Variants in MTOR observed in about 807,000 individuals in gnomAD.
The protein encoded by MTOR is mechanistic target of rapamycin kinase, also known as serine/threonine-protein kinase mTOR.
A neutral mutation model predicts 319.8 loss-of-function variants in MTOR; 70 were observed. The observed-to-expected ratio is 0.22, with a 90% confidence interval of 0.18 to 0.27. The LOEUF is 0.27. Among genes scored for constraint, MTOR ranks in the 10% least tolerant of loss-of-function variants. The pLI is 1.00. For missense variants in MTOR, 1,890 were observed against 3,274.4 expected, an observed-to-expected ratio of 0.58 and a Z score of 10.32; for synonymous variants, 1,183 against 1,211.4, an observed-to-expected ratio of 0.98 and a Z score of 0.49.
chr1:11,193,990 C>A (rs1288881254), intron 28 of MTOR, among the ~76,000 whole-genome samples: 4 of 152,192 alleles, frequency 2.6e-5, no homozygotes, highest in African/African-American at 9.6e-5. Flanking sequence ...GCAGGTGGGA[C>A]AGGAAGAGGC....
At position 11,177,312 on chromosome 1, in the gene MTOR, C is replaced by T. The variant is rs552500128; in HGVS notation, c.4254-9795G>A. Among the ~76,000 whole-genome samples the T allele has an allele frequency of 4.6e-5, 7 of 152,208 alleles. No individual in the cohort carries two copies. The South Asian group carries it at 1.0e-3, about 23-fold the overall frequency. Reference sequence around the variant, plus strand: ...GTGGCTCATGCCTGTAATCCCACCACCTTGGGAGGCCGAGACAGGATGACT... The same window carrying T: ...GTGGCTCATGCCTGTAATCCCACCATCTTGGGAGGCCGAGACAGGATGACT... On this transcript the variant is annotated intron_variant, in intron 28 of 57. Transcript: ENST00000361445.
At chr1:11,190,287 T>G (rs1397889748) in intron 28 of MTOR, among the ~76,000 whole-genome samples, 2 of 152,184 alleles carry the variant, frequency 1.3e-5, no homozygotes, top group Non-Finnish European at 2.9e-5. Flanking sequence ...CACCAAGAGC[T>G]GACAGGCTAT....
chr1:11,209,427 G>A lies in MTOR; in HGVS notation c.3686C>T (p.Pro1229Leu). Residue 1229 changes from proline to leucine, a missense_variant, in exon 25 of 58, where the codon CCT becomes CTT. Coordinates refer to ENST00000361445, the MANE Select transcript of MTOR (RefSeq NM_004958.4). Reference sequence around the variant, plus strand: ...AAGCATCCGATGCTGGTAAATCAAAGGATCCTCCTCTTCATCAGCAAGTGT... The same window carrying A: ...AAGCATCCGATGCTGGTAAATCAAAAGATCCTCCTCTTCATCAGCAAGTGT... ...GYTLADEEED[P>L]LIYQHRMLRS... 6.2e-7 allele frequency: 1 copy of A among 1,614,082 alleles called. No homozygotes were observed. The highest frequency in any genetic ancestry group is 8.5e-7 in the Non-Finnish European group (1 of 1,180,024).
chr1:11,115,380 T>C lies in MTOR; in HGVS notation c.7089+16A>G, dbSNP rs201113547. The C allele has an allele frequency of 2.9e-4, 468 of 1,613,384 alleles. 2 individuals carry two copies. The highest frequency in any genetic ancestry group is 3.4e-4 in the Non-Finnish European group (406 of 1,179,428). On this transcript the variant is annotated intron_variant, in intron 51 of 57. Transcript: ENST00000361445. This position sits in a 1 kb window ranked among gnomAD's most constrained non-coding sequence, Gnocchi z 4.5. ...ACCCGGGAAGATGAGGTTGGGGTTC[T>C]AGAACATGTGTTCACCTCAAAGCAG...
At chr1:11,231,709 A>G (rs530532571) in intron 16 of MTOR, among the ~76,000 whole-genome samples, 1 of 152,340 alleles carries the variant, frequency 6.6e-6, no homozygotes, top group South Asian at 2.1e-4. Context: ...CCAAATGATT[A>G]ACAGGAGATT....
chr1:11,255,634 T>C (rs1650292275), intron 5 of MTOR, among the ~76,000 whole-genome samples: 1 of 151,976 alleles, frequency 6.6e-6, no homozygotes, highest in Non-Finnish European at 1.5e-5. Flanking sequence ...GTGGATCACC[T>C]GAGGTCAGGA....
chr1:11,229,711 C>T (rs572467027), intron 18 of MTOR, among the ~76,000 whole-genome samples: 2 of 152,266 alleles, frequency 1.3e-5, no homozygotes, highest in South Asian at 4.1e-4. Context: ...CTTTCAATGT[C>T]AGAAATAGGC....
At chr1:11,170,640 C>T (rs1475039395) in intron 28 of MTOR, among the ~76,000 whole-genome samples, 4 of 150,770 alleles carry the variant, frequency 2.7e-5, no homozygotes, top group African/African-American at 9.8e-5. Context: ...ACAATGGATT[C>T]TTGGGATGAA....
At chr1:11,152,815 T>TAAA (rs1167951645) in intron 30 of MTOR, among the ~76,000 whole-genome samples, 1 of 152,230 alleles carries the variant, frequency 6.6e-6, no homozygotes, top group Non-Finnish European at 1.5e-5. Flanking sequence ...ATTGACTGAA[T>TAAA]AAACCGTATC....
At position 11,106,927 on chromosome 1, in the gene MTOR, A is replaced by C. The variant is rs1235916609; in HGVS notation, c.*558T>G. 1 of 1,369,942 alleles carries C rather than the reference A, an allele frequency of 7.3e-7. No individual in the cohort carries two copies. Among genetic ancestry groups the C allele is most frequent in the East Asian group, 3.4e-5 (1 of 29,434 alleles). 84.9% of individuals were successfully genotyped at this position (1,369,942 alleles called of 1,614,324 possible). ...AGCATCACTGGGTCTGATGGAAGAC[A>C]GACCTTTTGTACTCATTTTGGCCTA... On this transcript the variant is annotated 3_prime_UTR_variant, in exon 58 of 58. Coordinates refer to ENST00000361445, the MANE Select transcript of MTOR (RefSeq NM_004958.4).
rs1057519780 is a variant in MTOR at position 11,127,800 on chromosome 1, C to G, written c.6040G>C (p.Glu2014Gln). 1 of 1,611,944 alleles carries G rather than the reference C, an allele frequency of 6.2e-7. No individual in the cohort carries two copies. Among genetic ancestry groups the G allele is most frequent in the Non-Finnish European group, 8.5e-7 (1 of 1,178,922 alleles). Residue 2014 changes from glutamate to glutamine, a missense_variant, in exon 44 of 58, where the codon GAG becomes CAG. By Grantham distance (29) the Glu-to-Gln change is conservative. Coordinates refer to ENST00000361445, the MANE Select transcript of MTOR (RefSeq NM_004958.4). The surrounding 1 kb of genome is among the most constrained non-coding windows in gnomAD (Gnocchi z 5.5). Reference protein sequence around the residue: ...TLVQQAMMVSEELIRVAILWH... With the variant: ...TLVQQAMMVSQELIRVAILWH... ...AGGATGGCCACTCGGATCAGCTCCT[C>G]GCTCACCTGAAGCCAAGAGAAGAAG...
intron 16 of MTOR, among the ~76,000 whole-genome samples, chr1:11,232,217 G>C (rs1362476453): frequency 6.6e-6 from 1 of 152,184 alleles, no homozygotes; most frequent in Non-Finnish European, 1.5e-5. Flanking sequence ...GCACTAGTCA[G>C]CCCCGATAAT....
Position 11,129,656 on chromosome 1 carries a change from G to A in MTOR, c.5714+82C>T. The A allele has an allele frequency of 1.6e-6, 2 of 1,262,764 alleles. No homozygotes were observed. Among genetic ancestry groups the A allele is most frequent in the East Asian group, 2.4e-5 (1 of 41,388 alleles). 78.2% of individuals were successfully genotyped at this position (1,262,764 alleles called of 1,614,324 possible). ...GGGTGTCCTGATCAGGGTCAGGAAG[G>A]GAAAGAGGACTTTTACGTGTGACTT... On this transcript the variant is annotated intron_variant, in intron 40 of 57. Transcript: ENST00000361445. The surrounding 1 kb of genome is among the most constrained non-coding windows in gnomAD (Gnocchi z 4.7).
chr1:11,109,196 A>G lies in MTOR; in HGVS notation c.7528+94T>C. On this transcript the variant is annotated intron_variant, in intron 56 of 57. Coordinates refer to ENST00000361445, the MANE Select transcript of MTOR (RefSeq NM_004958.4). The surrounding 1 kb of genome is among the most constrained non-coding windows in gnomAD (Gnocchi z 4.0). The stretch of plus-strand genomic sequence containing the variant: ...CAGCTGCATGGTGCCAAAGCTCGTC[A>G]CTAACACCACTGGACATGGGGCTGA... 9.0e-7 allele frequency: 1 copy of G among 1,113,442 alleles called. No individual in the cohort carries two copies. The highest frequency in any genetic ancestry group is 1.3e-6 in the Non-Finnish European group (1 of 756,884). 69.0% of individuals were successfully genotyped at this position (1,113,442 alleles called of 1,614,324 possible). A position where few individuals can be genotyped will look rare whatever the true frequency, so the allele number is the denominator to read the frequency against.
intron 30 of MTOR, among the ~76,000 whole-genome samples, chr1:11,154,500 A>AT (rs1422969827): frequency 6.7e-6 from 1 of 150,290 alleles, no homozygotes; most frequent in African/African-American, 2.5e-5. Context: ...CTTTCAAATA[A>AT]TTGTGGAATA....
intron 14 of MTOR, 46 bp downstream of exon 14, chr1:11,234,097 T>C (rs370810327): frequency 2.4e-5 from 39 of 1,613,370 alleles, no homozygotes; most frequent in East Asian, 4.5e-5. Context: ...CCATATGAGC[T>C]GATGACAACG....
chr1:11,135,703 CG>C (rs1643375787), intron 36 of MTOR, among the ~76,000 whole-genome samples: 1 of 148,352 alleles, frequency 6.7e-6, no homozygotes. Context: ...CGTGGTGGGG[CG>C]CGCCTGTAAT....
chr1:11,116,786 G>A (rs983348537), intron 50 of MTOR, among the ~76,000 whole-genome samples: 2 of 152,106 alleles, frequency 1.3e-5, no homozygotes, highest in African/African-American at 4.8e-5. Flanking sequence ...ACTGCACCCA[G>A]CTTGAACTAT....
chr1:11,234,352 T>C, intron 13 of MTOR, 87 bp from the exon 14 acceptor site: 1 of 1,488,396 alleles, frequency 6.7e-7, no homozygotes, highest in Non-Finnish European at 9.0e-7. Flanking sequence ...GGCAGGGAAC[T>C]GGGGGAAAAA....
Sources: gnomAD v4.1 joint callset for allele counts (sites outside exome capture counted in the v4.1 genomes callset) on GRCh38, gnomAD v4.1.1 for gene constraint, Gnocchi (gnomAD v3.1) non-coding constraint, MANE v1.5 for transcripts, NCBI Gene and HGNC (gene_info 2026-07-23, HGNC 2026-07-21) for gene names.